Variants in MFHAS1 observed in about 807,000 individuals in gnomAD.
The protein encoded by MFHAS1 is malignant fibrous histiocytoma-amplified sequence 1.
A neutral mutation model predicts 70.4 loss-of-function variants in MFHAS1; 50 were observed. The ratio of observed to expected loss-of-function variants is 0.71; its 90% CI spans 0.57 to 0.90. The LOEUF (loss-of-function observed/expected upper bound fraction) is 0.90, where lower values mean the gene tolerates loss of function less well. Ranked by LOEUF, MFHAS1 falls within the 40% of genes least tolerant of loss-of-function variation. The probability of loss-of-function intolerance (pLI) is 0.00; values close to 1 mark genes in which losing one functional copy is unlikely to be tolerated. For missense variants in MFHAS1, 1,795 were observed against 1,347.6 expected (o/e 1.33, Z -5.20); for synonymous variants, 952 against 620.0 (o/e 1.54, Z -7.96).
rs776245058 is a variant in MFHAS1 at position 8,892,636 on chromosome 8, G to A, written c.423C>T (p.Asn141=). ...GGGCGGGCAGCTGGTTGTGGCTGAGGTTGAGCTTCCGCAGCTCCCTCAGAG... is the reference window on the plus strand; with the variant it reads ...GGGCGGGCAGCTGGTTGTGGCTGAGATTGAGCTTCCGCAGCTCCCTCAGAG... ...VSALRELRKL[N]LSHNQLPALP... The change falls in exon 1 of 3, where the codon AAC becomes AAT. Residue 141 remains asparagine, a synonymous_variant. Coordinates refer to ENST00000276282, the MANE Select transcript of MFHAS1 (RefSeq NM_004225.3). The surrounding 1 kb of genome is among the most constrained non-coding windows in gnomAD (Gnocchi z 4.7). 76 of 1,602,998 alleles carry A rather than the reference G, an allele frequency of 4.7e-5. No individual in the cohort carries two copies. The Admixed American group carries it at 1.2e-3, about 26-fold the overall frequency.
rs1808453176 is a variant in MFHAS1, at chr8:8,856,725, C to T, written c.2998+33336G>A. On this transcript the variant is annotated intron_variant, in intron 1 of 2. Coordinates refer to ENST00000276282, the MANE Select transcript of MFHAS1 (RefSeq NM_004225.3). The stretch of plus-strand genomic sequence containing the variant: ...TTGCATCTTTCCCAGCACAGAGCAT[C>T]CCCATGGCACTCAGCAGACCCCCAT... Among the ~76,000 whole-genome samples, 3 of 152,050 alleles carry T rather than the reference C, an allele frequency of 2.0e-5. No individual in the cohort carries two copies. The South Asian group carries it at 6.2e-4, about 32-fold the overall frequency.
chr8:8,886,092 A>C (rs1468076839), intron 1 of MFHAS1, among the ~76,000 whole-genome samples: 1 of 152,240 alleles, frequency 6.6e-6, no homozygotes, highest in Non-Finnish European at 1.5e-5. Context: ...ACCTATTTTA[A>C]ATAAGACAAA....
intron 2 of MFHAS1, among the ~76,000 whole-genome samples, chr8:8,796,459 G>A (rs973670349): frequency 1.9e-4 from 29 of 152,102 alleles, no homozygotes; most frequent in Non-Finnish European, 8.8e-5. Flanking sequence ...CAAGACGGGC[G>A]GATCCCGAGG....
Position 8,883,526 on chromosome 8 carries a change from G to A in MFHAS1, c.2998+6535C>T, listed in dbSNP as rs141992957. On this transcript the variant is annotated intron_variant, in intron 1 of 2. Transcript: ENST00000276282. ...AGTTCAAGACGAGCCTGGCCAACAT[G>A]GTGAAACCTCGTTTCTACTAAAATT... Among the ~76,000 whole-genome samples, 856 of 151,792 alleles carry A rather than the reference G, an allele frequency of 5.6e-3. 5 individuals carry two copies. Among genetic ancestry groups the A allele is most frequent in the South Asian group, 0.018 (86 of 4,798 alleles).
In MFHAS1 at chr8:8,891,924, G is replaced by C. The variant is rs750825377; in HGVS notation, c.1135C>G (p.Gln379Glu). Residue 379 changes from glutamine to glutamate, a missense_variant, in exon 1 of 3, where the codon CAG becomes GAG. By Grantham distance (29) the Gln-to-Glu change is conservative. Coordinates refer to ENST00000276282, the MANE Select transcript of MFHAS1 (RefSeq NM_004225.3). This position sits in a 1 kb window ranked among gnomAD's most constrained non-coding sequence, Gnocchi z 5.4. ...LWKIKDNPLIQPPYEVCMKGI... is the reference protein window; with the variant it reads ...LWKIKDNPLIEPPYEVCMKGI... ...TTCATGCAGACCTCGTAGGGGGGCT[G>C]GATCAGTGGGTTGTCTTTGATCTTC... 1 of 1,610,844 alleles carries C rather than the reference G, an allele frequency of 6.2e-7. No homozygotes were observed. The highest frequency in any genetic ancestry group is 8.5e-7 in the Non-Finnish European group (1 of 1,178,290).
chr8:8,786,570 T>C (rs73200025), intron 2 of MFHAS1, among the ~76,000 whole-genome samples: 24,683 of 152,144 alleles, frequency 0.16, 2,302 homozygotes, highest in African/African-American at 0.26. Context: ...CAATATAGAA[T>C]GAATAAACTA....
chr8:8,831,715 T>A (rs1807395164), intron 1 of MFHAS1, among the ~76,000 whole-genome samples: 2 of 152,024 alleles, frequency 1.3e-5, no homozygotes, highest in Non-Finnish European at 2.9e-5. Flanking sequence ...TTCAAGCGAT[T>A]CTTGTGCCTC....
At chr8:8,882,940 G>A (rs548112299) in intron 1 of MFHAS1, among the ~76,000 whole-genome samples, 2 of 152,284 alleles carry the variant, frequency 1.3e-5, no homozygotes, top group South Asian at 2.1e-4. Context: ...ATCATCTGAG[G>A]TCAGGAGTTT....
At chr8:8,839,112 C>A (rs1807709855) in intron 1 of MFHAS1, among the ~76,000 whole-genome samples, 1 of 152,000 alleles carries the variant, frequency 6.6e-6, no homozygotes, top group Non-Finnish European at 1.5e-5. Context: ...CCTGCAGGAA[C>A]TATCTATTCT....
chr8:8,884,041 AACACACACAC>A (rs10660555), intron 1 of MFHAS1, among the ~76,000 whole-genome samples: 23 of 134,178 alleles, frequency 1.7e-4, no homozygotes, highest in Admixed American at 7.9e-4. Flanking sequence ...CTATTTCACA[AACACACACAC>A]ACACACACAC....
intron 1 of MFHAS1, among the ~76,000 whole-genome samples, chr8:8,879,109 G>A (rs1394271064): frequency 6.6e-6 from 1 of 152,124 alleles, no homozygotes; most frequent in African/African-American, 2.4e-5. Flanking sequence ...AGCACTTTGG[G>A]AGGCCGAGGC....
At chr8:8,835,140 T>C (rs930151859) in intron 1 of MFHAS1, among the ~76,000 whole-genome samples, 4 of 152,166 alleles carry the variant, frequency 2.6e-5, no homozygotes, top group Admixed American at 1.3e-4. Context: ...TGAGTGGTTG[T>C]TCGAGGGTGA....
At chr8:8,791,789 G>C (rs551959286) in intron 2 of MFHAS1, among the ~76,000 whole-genome samples, 27 of 152,114 alleles carry the variant, frequency 1.8e-4, no homozygotes, top group Non-Finnish European at 3.4e-4. Flanking sequence ...GGCCTAATTA[G>C]GCTGCCATGA....
At chr8:8,820,081 A>G (rs1271023120) in intron 1 of MFHAS1, among the ~76,000 whole-genome samples, 1 of 152,192 alleles carries the variant, frequency 6.6e-6, no homozygotes, top group Non-Finnish European at 1.5e-5. Flanking sequence ...TTCCCCCAGA[A>G]CAGCTCTCTC....
intron 2 of MFHAS1, among the ~76,000 whole-genome samples, chr8:8,792,533 G>A (rs1304914907): frequency 1.3e-5 from 2 of 152,124 alleles, no homozygotes; most frequent in South Asian, 2.1e-4. Context: ...TTGAACCCAG[G>A]AGGCGGAGGT....
At chr8:8,812,929 A>C (rs1806604134) in intron 1 of MFHAS1, among the ~76,000 whole-genome samples, 1 of 152,066 alleles carries the variant, frequency 6.6e-6, no homozygotes, top group Non-Finnish European at 1.5e-5. Context: ...ACCACGCCCA[A>C]CTAAAGGTTG....
At chr8:8,810,363 T>C (rs1003990046) in intron 1 of MFHAS1, among the ~76,000 whole-genome samples, 22 of 152,056 alleles carry the variant, frequency 1.4e-4, no homozygotes, top group Admixed American at 5.2e-4. Context: ...AAGACCGTCT[T>C]GGGAAAAAAC....
chr8:8,867,471 A>G (rs1808903162), intron 1 of MFHAS1, among the ~76,000 whole-genome samples: 1 of 152,150 alleles, frequency 6.6e-6, no homozygotes, highest in Non-Finnish European at 1.5e-5. Flanking sequence ...CTACTCTTTT[A>G]TTATTAATCC....
chr8:8,828,634 G>C (rs1328253770), intron 1 of MFHAS1, among the ~76,000 whole-genome samples: 1 of 152,190 alleles, frequency 6.6e-6, no homozygotes, highest in Admixed American at 6.5e-5. Context: ...AAAGCTAAGG[G>C]CATTTAAAAC....
Sources: allele counts gnomAD v4.1 joint callset (sites outside exome capture counted in the v4.1 genomes callset), GRCh38; gene constraint gnomAD v4.1.1; non-coding constraint Gnocchi (gnomAD v3.1); transcripts MANE v1.5; gene names NCBI Gene and HGNC (gene_info 2026-07-23, HGNC 2026-07-21).